VPS13B: variants seen among roughly 807,000 people sequenced by gnomAD.
VPS13B encodes intermembrane lipid transfer protein VPS13B.
Under a neutral mutation model 426.4 loss-of-function variants are expected in VPS13B, and 285 were observed. The ratio of observed to expected loss-of-function variants is 0.67; its 90% CI spans 0.61 to 0.74. The LOEUF (loss-of-function observed/expected upper bound fraction) is 0.74. Ranked by LOEUF, VPS13B falls within the 30% of genes least tolerant of loss-of-function variation. VPS13B has a pLI of 0.00. For missense variants in VPS13B, 4,537 were observed against 4,782.6 expected, an observed-to-expected ratio of 0.95 and a Z score of 1.51; for synonymous variants, 1,676 against 1,676.4, an observed-to-expected ratio of 1.00 and a Z score of 0.01.
intron 20 of VPS13B, among the ~76,000 whole-genome samples, chr8:99,388,332 A>G (rs1018597915): frequency 6.6e-6 from 1 of 152,208 alleles, no homozygotes; most frequent in African/African-American, 2.4e-5. Flanking sequence ...AGCAAATATG[A>G]TAAACTGTTA....
At chr8:99,593,002 G>A (rs1049459064) in intron 33 of VPS13B, among the ~76,000 whole-genome samples, 3 of 152,084 alleles carry the variant, frequency 2.0e-5, no homozygotes, top group Non-Finnish European at 4.4e-5. Context: ...ACATAGGCAT[G>A]GGCAAAGATT....
At chr8:99,460,206 C>G (rs1387036773) in intron 23 of VPS13B, among the ~76,000 whole-genome samples, 21 of 151,926 alleles carry the variant, frequency 1.4e-4, no homozygotes, top group Admixed American at 6.6e-5. Context: ...TGCTTTATAT[C>G]TGTATTTTAG....
At chr8:99,386,864 G>T (rs1814154023) in intron 20 of VPS13B, among the ~76,000 whole-genome samples, 1 of 152,104 alleles carries the variant, frequency 6.6e-6, no homozygotes. Context: ...AGCTACACTG[G>T]AGGCTAAAGC....
chr8:99,492,543 A>G (rs1300986004), intron 25 of VPS13B, among the ~76,000 whole-genome samples: 1 of 152,094 alleles, frequency 6.6e-6, no homozygotes, highest in Non-Finnish European at 1.5e-5. Flanking sequence ...CTTCCCTGTC[A>G]CTTAGTTTAC....
chr8:99,660,395 A>G (rs568011689), intron 34 of VPS13B, among the ~76,000 whole-genome samples: 6 of 152,298 alleles, frequency 3.9e-5, no homozygotes, highest in African/African-American at 1.4e-4. Context: ...AAAATAAATA[A>G]TACTTTAATA....
chr8:99,765,744 T>G (rs1413230315), intron 39 of VPS13B, among the ~76,000 whole-genome samples: 1 of 152,178 alleles, frequency 6.6e-6, no homozygotes, highest in Admixed American at 6.5e-5. Context: ...TTGTAAGAGC[T>G]CTCTCCTATC....
At chr8:99,371,012 C>G (rs977769469) in intron 19 of VPS13B, among the ~76,000 whole-genome samples, 2 of 152,048 alleles carry the variant, frequency 1.3e-5, no homozygotes, top group African/African-American at 4.8e-5. Flanking sequence ...AATCACAAAC[C>G]GCTTGAAATT....
chr8:99,428,508 T>A (rs370979407), intron 21 of VPS13B, among the ~76,000 whole-genome samples: 32 of 152,244 alleles, frequency 2.1e-4, no homozygotes, highest in Admixed American at 1.7e-3. Flanking sequence ...GAAGACATTT[T>A]TGCAGCCAAA....
intron 19 of VPS13B, among the ~76,000 whole-genome samples, chr8:99,335,550 A>G (rs1810795171): frequency 6.6e-6 from 1 of 152,148 alleles, no homozygotes; most frequent in Admixed American, 6.5e-5. Flanking sequence ...AGGGTATTCA[A>G]TTAGGAAGAG....
chr8:99,403,604 C>G (rs1448877232), intron 21 of VPS13B, among the ~76,000 whole-genome samples: 1 of 151,228 alleles, frequency 6.6e-6, no homozygotes, highest in Non-Finnish European at 1.5e-5. Flanking sequence ...TGTCTTAAAT[C>G]ATGTGCCGAC....
At chr8:99,805,831 A>T (rs970361808) in intron 43 of VPS13B, among the ~76,000 whole-genome samples, 1 of 152,196 alleles carries the variant, frequency 6.6e-6, no homozygotes, top group Non-Finnish European at 1.5e-5. Flanking sequence ...CCCACCGTGG[A>T]AAATATTAGA....
At chr8:99,077,983 A>G (rs556732502) in intron 3 of VPS13B, among the ~76,000 whole-genome samples, 1 of 149,964 alleles carries the variant, frequency 6.7e-6, no homozygotes, top group South Asian at 2.1e-4. Flanking sequence ...GCTCAGTTGT[A>G]TTTTTTATTT....
intron 17 of VPS13B, among the ~76,000 whole-genome samples, chr8:99,201,296 A>G (rs946651698): frequency 6.6e-6 from 1 of 152,172 alleles, no homozygotes; most frequent in African/African-American, 2.4e-5. Flanking sequence ...CATTTCTTTC[A>G]TTATAAATTG....
At chr8:99,177,720 A>G (rs968488345) in intron 16 of VPS13B, among the ~76,000 whole-genome samples, 5 of 152,226 alleles carry the variant, frequency 3.3e-5, no homozygotes, top group African/African-American at 9.6e-5. Context: ...TAAACTTAGT[A>G]AAATAGTTTG....
At chr8:99,730,486 C>T (rs1453596330) in intron 39 of VPS13B, among the ~76,000 whole-genome samples, 1 of 152,032 alleles carries the variant, frequency 6.6e-6, no homozygotes, top group Non-Finnish European at 1.5e-5. Flanking sequence ...TCCCTGAATA[C>T]ACTTTTAATC....
intron 14 of VPS13B, among the ~76,000 whole-genome samples, chr8:99,152,222 A>T (rs916082262): frequency 6.6e-6 from 1 of 152,190 alleles, no homozygotes; most frequent in Admixed American, 6.5e-5. Context: ...GTTTTCATTT[A>T]ATTCAAAGTA....
At chr8:99,491,581 AT>A (rs1359218427) in intron 25 of VPS13B, among the ~76,000 whole-genome samples, 4 of 151,738 alleles carry the variant, frequency 2.6e-5, no homozygotes, top group Non-Finnish European at 5.9e-5. Flanking sequence ...TTTTTCTCTT[AT>A]CTTGTCTTCT....
At chr8:99,391,477 A>G in intron 20 of VPS13B, 80 bp from the exon 21 acceptor site, 1 of 1,606,780 alleles carries the variant, frequency 6.2e-7, no homozygotes, top group Non-Finnish European at 8.5e-7. Context: ...TGTCCTCAGT[A>G]TTGCCATGTT....
intron 19 of VPS13B, among the ~76,000 whole-genome samples, chr8:99,345,471 G>A (rs1811487093): frequency 6.6e-6 from 1 of 152,058 alleles, no homozygotes; most frequent in South Asian, 2.1e-4. Flanking sequence ...AATGAGTTTG[G>A]TGGTATTTTG....
Sources: allele counts gnomAD v4.1 joint callset (sites outside exome capture counted in the v4.1 genomes callset), GRCh38; gene constraint gnomAD v4.1.1; transcripts MANE v1.5; gene names NCBI Gene and HGNC (gene_info 2026-07-23, HGNC 2026-07-21).